PACRG: variants seen among roughly 807,000 people sequenced by gnomAD.
PACRG encodes parkin coregulated gene protein.
A neutral mutation model predicts 29.7 loss-of-function variants in PACRG; 29 were observed. That is an observed-to-expected ratio of 0.98 (90% CI 0.73 to 1.33). The LOEUF is 1.33. PACRG is among the 40% of genes most tolerant of loss of function. The pLI is 0.00. For synonymous variants in PACRG, 116 were observed against 118.7 expected (o/e 0.98, Z 0.15); for missense variants, 279 against 316.2 (o/e 0.88, Z 0.89).
chr6:163,169,020 T>C (rs1408734929), intron 4 of PACRG, among the ~76,000 whole-genome samples: 1 of 152,236 alleles, frequency 6.6e-6, no homozygotes, highest in African/African-American at 2.4e-5. Flanking sequence ...CTCTTTCTTT[T>C]AAAACCCAGA....
chr6:163,101,443 A>G (rs1815079779), intron 4 of PACRG: 1 of 930,224 alleles, frequency 1.1e-6, no homozygotes, highest in South Asian at 5.0e-5. Context: ...TATTTATTAT[A>G]AATATGATAA....
rs150830586 is a variant in PACRG, at chr6:162,762,765, G to A, written c.156+34374G>A. ...AAATCAATTTTACATATAGAACACT[G>A]ACTAATCAATTTAGGAAGCAGATTA... On this transcript the variant is annotated intron_variant, in intron 1 of 4. Coordinates refer to ENST00000366888, the MANE Select transcript of PACRG (RefSeq NM_001080379.2). Among the ~76,000 whole-genome samples, 333 of 152,290 alleles carry A rather than the reference G, an allele frequency of 2.2e-3. 1 individual carries two copies. Among genetic ancestry groups the A allele is most frequent in the Non-Finnish European group, 2.8e-3 (191 of 68,028 alleles).
rs184688271 is a variant in PACRG, at chr6:163,283,577, G to C, written c.614-31250G>C. Among the ~76,000 whole-genome samples, 170 of 151,612 alleles carry C rather than the reference G, an allele frequency of 1.1e-3. 1 individual carries two copies. Among genetic ancestry groups the C allele is most frequent in the African/African-American group, 3.9e-3 (162 of 41,316 alleles). On this transcript the variant is annotated intron_variant, in intron 4 of 4. Transcript: ENST00000366888. The stretch of plus-strand genomic sequence containing the variant: ...GCACTTTGGGAGGCCGAGGCGGGTG[G>C]ATCATGAGGTCAGGAGATCGAGACC...
At chr6:162,819,689 TA>T (rs1787673177) in intron 2 of PACRG, among the ~76,000 whole-genome samples, 1 of 152,222 alleles carries the variant, frequency 6.6e-6, no homozygotes, top group Non-Finnish European at 1.5e-5. Flanking sequence ...TGAATGCAAG[TA>T]AAGCATACAG....
intron 1 of PACRG, among the ~76,000 whole-genome samples, chr6:162,776,934 G>A (rs562327693): frequency 6.6e-5 from 10 of 152,250 alleles, no homozygotes; most frequent in African/African-American, 2.2e-4. Context: ...TTTGGGGAAA[G>A]GGTGGCAGGG....
intron 4 of PACRG, among the ~76,000 whole-genome samples, chr6:163,232,622 G>A (rs1782089460): frequency 6.6e-6 from 1 of 152,194 alleles, no homozygotes; most frequent in African/African-American, 2.4e-5. Context: ...CTTATACTTT[G>A]AGGGTGTTCC....
At chr6:163,227,466 A>G (rs536161037) in intron 4 of PACRG, among the ~76,000 whole-genome samples, 1 of 152,322 alleles carries the variant, frequency 6.6e-6, no homozygotes, top group South Asian at 2.1e-4. Context: ...TATTCAAACT[A>G]TAGCACTGCT....
At chr6:163,276,100 C>T (rs1233152051) in intron 4 of PACRG, among the ~76,000 whole-genome samples, 1 of 151,376 alleles carries the variant, frequency 6.6e-6, no homozygotes, top group African/African-American at 2.4e-5. Context: ...GATCTTGGCT[C>T]ACTGCAGCCT....
chr6:162,941,146 C>T (rs752697991), intron 2 of PACRG, among the ~76,000 whole-genome samples: 1 of 151,974 alleles, frequency 6.6e-6, no homozygotes, highest in Non-Finnish European at 1.5e-5. Context: ...TTGGGGTTAC[C>T]CTCTTCTCTA....
In PACRG at chr6:163,198,882, A is replaced by G. The variant is rs111745178; in HGVS notation, c.613+109474A>G. Reference sequence around the variant, plus strand: ...GAGACATCAGTCAGTACATGTGAGAAGTACACTGGTTTGGTCTGAAAAGGC... The same window carrying G: ...GAGACATCAGTCAGTACATGTGAGAGGTACACTGGTTTGGTCTGAAAAGGC... On this transcript the variant is annotated intron_variant, in intron 4 of 4. Coordinates refer to ENST00000366888, the MANE Select transcript of PACRG (RefSeq NM_001080379.2). 4.8e-3 allele frequency among the ~76,000 whole-genome samples: 724 copies of G among 152,266 alleles called. 7 individuals carry two copies. The highest frequency in any genetic ancestry group is 0.016 in the African/African-American group (679 of 41,534).
At chr6:163,150,684 G>T (rs1403334230) in intron 4 of PACRG, among the ~76,000 whole-genome samples, 1 of 152,226 alleles carries the variant, frequency 6.6e-6, no homozygotes, top group Non-Finnish European at 1.5e-5. Flanking sequence ...CCCGGGTCAT[G>T]ATTTCAGCCC....
At chr6:162,804,970 A>G (rs965854534) in intron 1 of PACRG, among the ~76,000 whole-genome samples, 5 of 152,174 alleles carry the variant, frequency 3.3e-5, no homozygotes, top group Admixed American at 6.6e-5. Context: ...GTTGTAGCCT[A>G]TTGCTCCTGG....
At chr6:163,117,577 C>A (rs573506144) in intron 4 of PACRG, among the ~76,000 whole-genome samples, 1 of 152,152 alleles carries the variant, frequency 6.6e-6, no homozygotes, top group South Asian at 2.1e-4. Context: ...CATGGTGAAA[C>A]CCCATCTCTA....
At chr6:162,917,107 G>GA in intron 2 of PACRG, among the ~76,000 whole-genome samples, 1 of 152,164 alleles carries the variant, frequency 6.6e-6, no homozygotes, top group East Asian at 1.9e-4. Flanking sequence ...ACATATGCCT[G>GA]AGTTCAAGGC....
chr6:163,096,886 A>G (rs1202175845), intron 4 of PACRG, among the ~76,000 whole-genome samples: 1 of 152,240 alleles, frequency 6.6e-6, no homozygotes, highest in Admixed American at 6.5e-5. Context: ...TGAAATAAAT[A>G]TTCAAGAATC....
chr6:162,800,872 A>C (rs1314078573), intron 1 of PACRG, among the ~76,000 whole-genome samples: 1 of 152,102 alleles, frequency 6.6e-6, no homozygotes, highest in African/African-American at 2.4e-5. Context: ...TCAACATGTT[A>C]AGTTAGAAAG....
intron 4 of PACRG, chr6:163,100,950 G>A: frequency 2.0e-6 from 2 of 985,038 alleles, no homozygotes; most frequent in South Asian, 9.4e-5. Flanking sequence ...AGGTAAAGAT[G>A]GCAACGTAAT....
intron 1 of PACRG, among the ~76,000 whole-genome samples, chr6:162,751,198 A>T (rs769340793): frequency 1.3e-5 from 2 of 152,146 alleles, no homozygotes; most frequent in Non-Finnish European, 2.9e-5. Context: ...TTAGCATAAC[A>T]TCTAACCATA....
chr6:163,142,327 A>T (rs1210172392), intron 4 of PACRG, among the ~76,000 whole-genome samples: 2 of 152,234 alleles, frequency 1.3e-5, no homozygotes, highest in African/African-American at 2.4e-5. Flanking sequence ...ACAAGAAAAA[A>T]GTCACAAGTA....
Sources: gnomAD v4.1 joint callset for allele counts (sites outside exome capture counted in the v4.1 genomes callset) on GRCh38, gnomAD v4.1.1 for gene constraint, MANE v1.5 for transcripts, NCBI Gene and HGNC (gene_info 2026-07-23, HGNC 2026-07-21) for gene names.